Variants in COL23A1 observed in about 807,000 individuals in gnomAD.
COL23A1 encodes the protein collagen alpha-1(XXIII) chain.
A neutral mutation model predicts 99.3 loss-of-function variants in COL23A1; 97 were observed. The ratio of observed to expected loss-of-function variants is 0.98; its 90% CI spans 0.83 to 1.16. The LOEUF (loss-of-function observed/expected upper bound fraction) is 1.16, where lower values mean the gene tolerates loss of function less well. Ranked by LOEUF, COL23A1 falls within the 50% of genes most tolerant of loss-of-function variation. COL23A1 has a pLI of 0.00. For missense variants in COL23A1, 762 were observed against 757.4 expected, an observed-to-expected ratio of 1.01 and a Z score of -0.07; for synonymous variants, 320 against 308.2, an observed-to-expected ratio of 1.04 and a Z score of -0.40.
chr5:178,461,021 G>A (rs1004382297), intron 2 of COL23A1, among the ~76,000 whole-genome samples: 1 of 152,174 alleles, frequency 6.6e-6, no homozygotes, highest in African/African-American at 2.4e-5. Flanking sequence ...CCCTTTAAGA[G>A]AGCTGCCCTC....
At chr5:178,484,906 A>G (rs1030987317) in intron 2 of COL23A1, among the ~76,000 whole-genome samples, 1 of 152,102 alleles carries the variant, frequency 6.6e-6, no homozygotes, top group African/African-American at 2.4e-5. Context: ...ATATTTGTAA[A>G]GAGTCCAGCA....
chr5:178,247,866 G>A (rs765239255), intron 20 of COL23A1, 35 bp from the exon 21 acceptor site: 14 of 1,582,220 alleles, frequency 8.8e-6, no homozygotes, highest in Admixed American at 1.7e-5. Context: ...GTCACCCACC[G>A]CCTGTCACCC....
At chr5:178,239,456 A>G (rs1395525635) in intron 27 of COL23A1, among the ~76,000 whole-genome samples, 1 of 152,202 alleles carries the variant, frequency 6.6e-6, no homozygotes, top group Non-Finnish European at 1.5e-5. Flanking sequence ...ACAGGAGGGC[A>G]CTAGGAAGGG....
intron 2 of COL23A1, among the ~76,000 whole-genome samples, chr5:178,460,677 G>T (rs921924329): frequency 1.3e-5 from 2 of 152,144 alleles, no homozygotes; most frequent in Non-Finnish European, 2.9e-5. Context: ...GCTGCCTTTT[G>T]CTTCCAGTGA....
chr5:178,399,611 G>A (rs1764329323), intron 2 of COL23A1, among the ~76,000 whole-genome samples: 2 of 152,178 alleles, frequency 1.3e-5, no homozygotes, highest in Admixed American at 1.3e-4. Flanking sequence ...CTGCAAACAT[G>A]GGCTGTTTAC....
In COL23A1 at chr5:178,387,464, C is replaced by T. The variant is rs372652451; in HGVS notation, c.362-80545G>A. 8.5e-5 allele frequency among the ~76,000 whole-genome samples: 13 copies of T among 152,236 alleles called. No individual in the cohort carries two copies. In the East Asian group the frequency reaches 1.7e-3, roughly 20 times the overall value. On this transcript the variant is annotated intron_variant, in intron 2 of 28. Coordinates refer to ENST00000390654, the MANE Select transcript of COL23A1 (RefSeq NM_173465.4). This position sits in a 1 kb window ranked among gnomAD's most constrained non-coding sequence, Gnocchi z 4.7. ...ACCCACCGGACATGTTCCTGCTGCC[C>T]TCCTGCAGCTCAGAGCACCCCTGCC... is the stretch of plus-strand genomic sequence containing the variant.
chr5:178,453,030 T>A (rs1341043251), intron 2 of COL23A1, among the ~76,000 whole-genome samples: 13 of 152,096 alleles, frequency 8.5e-5, no homozygotes, highest in Non-Finnish European at 1.2e-4. Flanking sequence ...GAGGTCTGGT[T>A]AAAGAAACCA....
rs920207041 is a variant in COL23A1 at position 178,308,340 on chromosome 5, G to C, written c.362-1421C>G. On this transcript the variant is annotated intron_variant, in intron 2 of 28. Transcript: ENST00000390654. The surrounding 1 kb of genome is among the most constrained non-coding windows in gnomAD (Gnocchi z 5.1). The stretch of plus-strand genomic sequence containing the variant: ...TCAGGGACAGGGGACTTGAGGTGAG[G>C]ATTGTTAAACAAAACTTAAAAATGA... Among the ~76,000 whole-genome samples the C allele has an allele frequency of 2.0e-5, 3 of 152,162 alleles. No individual in the cohort carries two copies. The highest frequency in any genetic ancestry group is 7.2e-5 in the African/African-American group (3 of 41,440).
chr5:178,433,849 T>A (rs142547226), intron 2 of COL23A1, among the ~76,000 whole-genome samples: 1 of 152,286 alleles, frequency 6.6e-6, no homozygotes, highest in Non-Finnish European at 1.5e-5. Flanking sequence ...ATGGAAACTT[T>A]AAGTGATTAA....
chr5:178,249,916 G>A lies in COL23A1; in HGVS notation c.1059+145C>T, dbSNP rs1764938571. ...CCAGGGTTTGCACACAGGCAGCCTG[G>A]TGCCAAAATCCATGATTTTTGATTT... On this transcript the variant is annotated intron_variant, in intron 18 of 28. Coordinates refer to ENST00000390654, the MANE Select transcript of COL23A1 (RefSeq NM_173465.4). 3.7e-5 allele frequency: 42 copies of A among 1,121,436 alleles called. No individual in the cohort carries two copies. In the South Asian group the frequency reaches 4.9e-4, roughly 13 times the overall value. 69.5% of individuals were successfully genotyped at this position (1,121,436 alleles called of 1,614,324 possible).
intron 15 of COL23A1, 119 bp downstream of exon 15, chr5:178,256,234 T>G: frequency 1.6e-6 from 1 of 623,500 alleles, no homozygotes. Flanking sequence ...AAAAGTAAAA[T>G]ACTCCCAGTT....
chr5:178,426,300 CCT>C (rs766930973), intron 2 of COL23A1, among the ~76,000 whole-genome samples: 96 of 152,266 alleles, frequency 6.3e-4, no homozygotes, highest in South Asian at 1.0e-3. Context: ...GTGCAAATGC[CCT>C]CTTAGTCTCA....
At chr5:178,548,347 A>G (rs1222934026) in intron 2 of COL23A1, among the ~76,000 whole-genome samples, 1 of 151,762 alleles carries the variant, frequency 6.6e-6, no homozygotes, top group Non-Finnish European at 1.5e-5. Flanking sequence ...AAATTAACAG[A>G]TCTCAACAAA....
At chr5:178,248,464 C>A (rs6894255) in intron 19 of COL23A1, among the ~76,000 whole-genome samples, 41,777 of 152,090 alleles carry the variant, frequency 0.27, 6,210 homozygotes, top group Non-Finnish European at 0.34. Flanking sequence ...CAGCCGCACA[C>A]ATTGTTTTCC....
At chr5:178,486,875 G>C (rs1320704278) in intron 2 of COL23A1, among the ~76,000 whole-genome samples, 1 of 152,204 alleles carries the variant, frequency 6.6e-6, no homozygotes, top group African/African-American at 2.4e-5. Flanking sequence ...TTCACACCCT[G>C]AGTGGGGAAA....
intron 4 of COL23A1, chr5:178,288,686 C>T (rs1757293571): frequency 2.5e-6 from 1 of 401,526 alleles, no homozygotes. Flanking sequence ...ACACGACCAA[C>T]CAGGAACTGA....
chr5:178,540,672 A>G (rs1214704982), intron 2 of COL23A1, among the ~76,000 whole-genome samples: 2 of 152,240 alleles, frequency 1.3e-5, no homozygotes, highest in Admixed American at 1.3e-4. Flanking sequence ...CTGCAGTCCC[A>G]GCACTTTGGG....
chr5:178,499,255 G>A (rs936403517), intron 2 of COL23A1, among the ~76,000 whole-genome samples: 2 of 152,030 alleles, frequency 1.3e-5, no homozygotes, highest in African/African-American at 4.8e-5. Flanking sequence ...ACCGGACATG[G>A]TGCTATTTTA....
At chr5:178,520,864 G>A (rs1759902635) in intron 2 of COL23A1, among the ~76,000 whole-genome samples, 1 of 152,180 alleles carries the variant, frequency 6.6e-6, no homozygotes, top group South Asian at 2.1e-4. Context: ...GACGGTATTA[G>A]GAAACAAAGA....
Sources: gnomAD v4.1 joint callset for allele counts (sites outside exome capture counted in the v4.1 genomes callset) on GRCh38, gnomAD v4.1.1 for gene constraint, Gnocchi (gnomAD v3.1) non-coding constraint, MANE v1.5 for transcripts, NCBI Gene and HGNC (gene_info 2026-07-23, HGNC 2026-07-21) for gene names.